PPP4R1: variants seen among roughly 807,000 people sequenced by gnomAD.
PPP4R1 encodes serine/threonine-protein phosphatase 4 regulatory subunit 1.
In PPP4R1, 42 loss-of-function variants were observed where a neutral mutation model predicts 111.2. That is an observed-to-expected ratio of 0.38 (90% CI 0.29 to 0.49). The LOEUF is 0.49. Among genes scored for constraint, PPP4R1 ranks in the 20% least tolerant of loss-of-function variants. The probability of loss-of-function intolerance (pLI) is 0.97; values close to 1 mark genes in which losing one functional copy is unlikely to be tolerated. For synonymous variants in PPP4R1, 409 were observed against 405.5 expected (o/e 1.01, Z -0.10); for missense variants, 1,012 against 1,161.6 (o/e 0.87, Z 1.87).
At chr18:9,604,508 A>G (rs1398023809) in intron 2 of PPP4R1, among the ~76,000 whole-genome samples, 1 of 152,036 alleles carries the variant, frequency 6.6e-6, no homozygotes, top group Non-Finnish European at 1.5e-5. Context: ...TGTGGAGTCA[A>G]TTTGCTGCAA....
intron 4 of PPP4R1, among the ~76,000 whole-genome samples, chr18:9,592,440 C>T (rs1189227179): frequency 1.3e-5 from 2 of 152,124 alleles, no homozygotes; most frequent in Admixed American, 6.5e-5. Flanking sequence ...AAGCCTGCCC[C>T]GATCCTTCCC....
chr18:9,557,245 A>C lies in PPP4R1; in HGVS notation c.2166T>G (p.Leu722=). The C allele has an allele frequency of 6.3e-7, 1 of 1,590,328 alleles. No individual in the cohort carries two copies. The highest frequency in any genetic ancestry group is 8.5e-7 in the Non-Finnish European group (1 of 1,173,686). The stretch of plus-strand genomic sequence containing the variant: ...CCTTCAGAAAATCATGCAAGTGTTT[A>C]AGAACACCTATCCTGACTTCATCGA... ...KDLDEVRIGV[L]KHLHDFLKLL... is the part of the protein sequence containing the mutation. Residue 722 remains leucine, a synonymous_variant, in exon 15 of 20, where the codon CTT becomes CTG. Coordinates refer to ENST00000400556, the MANE Select transcript of PPP4R1 (RefSeq NM_001042388.3).
chr18:9,565,587 G>A (rs1393092747), intron 11 of PPP4R1, among the ~76,000 whole-genome samples: 1 of 152,242 alleles, frequency 6.6e-6, no homozygotes, highest in African/African-American at 2.4e-5. Context: ...CAAAGAAGAA[G>A]GAACAACAAC....
Position 9,559,479 on chromosome 18 carries a change from G to C in PPP4R1, c.1968C>G (p.Leu656=), listed in dbSNP as rs774973902. ...AYSLPGVALT[L]GRQNWHCLRE... ...TCAGGCAGTGCCAATTCTGTCTTCCGAGTGTCAAGGCCACACCAGGGAGGC... is the reference window on the plus strand; with the variant it reads ...TCAGGCAGTGCCAATTCTGTCTTCCCAGTGTCAAGGCCACACCAGGGAGGC... The change falls in exon 14 of 20, where the codon CTC becomes CTG. Residue 656 remains leucine (L), a synonymous_variant. Transcript: ENST00000400556. The C allele has an allele frequency of 2.5e-6, 4 of 1,613,616 alleles. No homozygotes were observed. In the Admixed American group the frequency reaches 6.7e-5, roughly 27 times the overall value.
intron 14 of PPP4R1, 86 bp downstream of exon 14, chr18:9,559,333 T>C: frequency 1.6e-6 from 2 of 1,282,252 alleles, no homozygotes; most frequent in South Asian, 3.7e-5. Context: ...TGCTAGAACA[T>C]GAACAGAAAT....
intron 9 of PPP4R1, among the ~76,000 whole-genome samples, chr18:9,579,739 T>G (rs2066995795): frequency 6.6e-6 from 1 of 152,228 alleles, no homozygotes; most frequent in Admixed American, 6.5e-5. Flanking sequence ...GAGTAACAAT[T>G]ACTTACATAG....
chr18:9,610,509 C>T (rs1260412297), intron 2 of PPP4R1, among the ~76,000 whole-genome samples: 1 of 152,112 alleles, frequency 6.6e-6, no homozygotes, highest in Non-Finnish European at 1.5e-5. Flanking sequence ...TGTCGCCAGG[C>T]TGGAGTGCAG....
intron 16 of PPP4R1, among the ~76,000 whole-genome samples, chr18:9,552,942 G>A (rs184358928): frequency 3.3e-5 from 5 of 152,166 alleles, no homozygotes; most frequent in Admixed American, 6.5e-5. Flanking sequence ...TGAAATGTCC[G>A]CAACAGGCAA....
intron 4 of PPP4R1, among the ~76,000 whole-genome samples, chr18:9,589,300 T>C (rs1414825349): frequency 6.6e-6 from 1 of 152,148 alleles, no homozygotes; most frequent in Non-Finnish European, 1.5e-5. Context: ...AGATATATAA[T>C]TAGACTTAAC....
intron 11 of PPP4R1, among the ~76,000 whole-genome samples, chr18:9,565,938 T>A (rs897527825): frequency 2.6e-5 from 4 of 151,410 alleles, no homozygotes; most frequent in Admixed American, 2.6e-4. Context: ...TGAGATGGAG[T>A]CTTGCTCTGT....
chr18:9,603,862 T>C (rs1229672668), intron 2 of PPP4R1, among the ~76,000 whole-genome samples: 2 of 152,148 alleles, frequency 1.3e-5, no homozygotes, highest in Non-Finnish European at 2.9e-5. Flanking sequence ...CATGAAAATA[T>C]GAAAATACAT....
intron 2 of PPP4R1, among the ~76,000 whole-genome samples, chr18:9,608,965 T>G (rs1381760378): frequency 6.6e-6 from 1 of 152,168 alleles, no homozygotes; most frequent in African/African-American, 2.4e-5. Flanking sequence ...CATTTAGGTG[T>G]CTTGGTTTTT....
intron 2 of PPP4R1, among the ~76,000 whole-genome samples, chr18:9,612,114 G>A (rs1284320724): frequency 6.6e-6 from 1 of 152,076 alleles, no homozygotes; most frequent in Non-Finnish European, 1.5e-5. Flanking sequence ...CTTCTTTTAA[G>A]CTTCCCTTGC....
chr18:9,562,421 T>C (rs551176255), intron 12 of PPP4R1, among the ~76,000 whole-genome samples: 3 of 152,348 alleles, frequency 2.0e-5, no homozygotes, highest in African/African-American at 4.8e-5. Context: ...TGGAGTGTCA[T>C]ATGCAGTTTT....
At chr18:9,557,132 A>G in intron 15 of PPP4R1, 89 bp downstream of exon 15, 1 of 1,290,570 alleles carries the variant, frequency 7.7e-7, no homozygotes, top group Non-Finnish European at 1.1e-6. Context: ...AGAAACACAA[A>G]GAAACCTCTC....
intron 2 of PPP4R1, among the ~76,000 whole-genome samples, chr18:9,600,495 C>T (rs945258059): frequency 6.6e-6 from 1 of 151,840 alleles, no homozygotes; most frequent in Non-Finnish European, 1.5e-5. Context: ...AGTCTGACTA[C>T]CAGAGATACA....
intron 14 of PPP4R1, among the ~76,000 whole-genome samples, chr18:9,558,930 G>A (rs1201980456): frequency 2.0e-5 from 3 of 152,122 alleles, no homozygotes; most frequent in Admixed American, 2.0e-4. Flanking sequence ...GTGGGGATGA[G>A]GAGAGAGCAA....
At position 9,550,036 on chromosome 18, in the gene PPP4R1, C is replaced by G. The variant is rs747387486; in HGVS notation, c.2547+16G>C. On this transcript the variant is annotated intron_variant, in intron 18 of 19. Coordinates refer to ENST00000400556, the MANE Select transcript of PPP4R1 (RefSeq NM_001042388.3). ...GAGAAAAACTCACAAACAGGTAAGC[C>G]CAGGGCCTCGCTTACCTGGCAGACA... 1 of 1,614,068 alleles carries G rather than the reference C, an allele frequency of 6.2e-7. No homozygotes were observed. Among genetic ancestry groups the G allele is most frequent in the South Asian group, 1.1e-5 (1 of 91,070 alleles).
At chr18:9,597,269 T>G (rs970600882) in intron 2 of PPP4R1, among the ~76,000 whole-genome samples, 7 of 152,150 alleles carry the variant, frequency 4.6e-5, no homozygotes, top group African/African-American at 1.7e-4. Context: ...CCAGCTAACT[T>G]CCTGGAAATA....
Sources: gnomAD v4.1 joint callset for allele counts (sites outside exome capture counted in the v4.1 genomes callset) on GRCh38, gnomAD v4.1.1 for gene constraint, MANE v1.5 for transcripts, NCBI Gene and HGNC (gene_info 2026-07-23, HGNC 2026-07-21) for gene names.